PCDHGB2: variants seen among roughly 807,000 people sequenced by gnomAD.
PCDHGB2 encodes the protein protocadherin gamma-B2.
A neutral mutation model predicts 59.3 loss-of-function variants in PCDHGB2; 55 were observed. The ratio of observed to expected loss-of-function variants is 0.93; its 90% confidence interval spans 0.75 to 1.16. PCDHGB2 has a LOEUF of 1.16. PCDHGB2 is among the 50% of genes most tolerant of loss of function. The pLI, the probability that PCDHGB2 is intolerant of heterozygous loss-of-function variation, is 0.00. For missense variants in PCDHGB2, 1,228 were observed against 1,198.5 expected (o/e 1.02, Z -0.36); for synonymous variants, 516 against 512.0 (o/e 1.01, Z -0.11).
At chr5:141,374,571 G>A in intron 1 of PCDHGB2, 1 of 1,613,670 alleles carries the variant, frequency 6.2e-7, no homozygotes, top group Non-Finnish European at 8.5e-7. Flanking sequence ...CCTGATGTGG[G>A]AATGAACTCC....
chr5:141,431,561 G>C lies in PCDHGB2; in HGVS notation c.2422-63246G>C. On this transcript the variant is annotated intron_variant, in intron 1 of 3. Transcript: ENST00000522605. The surrounding 1 kb of genome is among the most constrained non-coding windows in gnomAD (Gnocchi z 4.8). ...GCAGCTGCTTGTAGTCAACGCTACC[G>C]ACCCTGACGAAGGAGTCAATGCGGA... 6.2e-7 allele frequency: 1 copy of C among 1,614,146 alleles called. No homozygotes were observed. The highest frequency in any genetic ancestry group is 1.1e-5 in the South Asian group (1 of 91,080).
At chr5:141,454,409 T>G (rs1221091875) in intron 1 of PCDHGB2, among the ~76,000 whole-genome samples, 1 of 152,162 alleles carries the variant, frequency 6.6e-6, no homozygotes, top group Non-Finnish European at 1.5e-5. Flanking sequence ...TTATTCCTTT[T>G]TATTTATTTA....
chr5:141,455,104 G>T (rs2098813087), intron 1 of PCDHGB2, among the ~76,000 whole-genome samples: 1 of 151,780 alleles, frequency 6.6e-6, no homozygotes, highest in Non-Finnish European at 1.5e-5. Flanking sequence ...GAGCCACTGC[G>T]CCCGGTGGGT....
rs528779386 is a variant in PCDHGB2, at chr5:141,509,416, C to T, written c.2570-1531C>T. Among the ~76,000 whole-genome samples, 4 of 152,258 alleles carry T rather than the reference C, an allele frequency of 2.6e-5. No individual in the cohort carries two copies. In the East Asian group the frequency reaches 7.7e-4, roughly 29 times the overall value. ...TCTCAGGGCCTCCAGCAGCGAGCCCCAATGAGTCAAACTCTTGTTTCCTCC... is the reference window on the plus strand; with the variant it reads ...TCTCAGGGCCTCCAGCAGCGAGCCCTAATGAGTCAAACTCTTGTTTCCTCC... On this transcript the variant is annotated intron_variant, in intron 3 of 3. Transcript: ENST00000522605.
At chr5:141,399,148 C>T (rs2150776580) in intron 1 of PCDHGB2, 2 of 1,613,684 alleles carry the variant, frequency 1.2e-6, no homozygotes, top group Non-Finnish European at 1.7e-6. Context: ...TGACAATAGC[C>T]CAGAAGTTAC....
Position 141,476,263 on chromosome 5 carries a change from C to G in PCDHGB2, c.2422-18544C>G. 13 of 1,613,940 alleles carry G rather than the reference C, an allele frequency of 8.1e-6. No individual in the cohort carries two copies. Among genetic ancestry groups the G allele is most frequent in the Non-Finnish European group, 1.1e-5 (13 of 1,180,010 alleles). On this transcript the variant is annotated intron_variant, in intron 1 of 3. Transcript: ENST00000522605. This position sits in a 1 kb window ranked among gnomAD's most constrained non-coding sequence, Gnocchi z 7.6. ...GAGAGAAGGGTTTCGCTGTGGGCAA[C>G]GTGGTCGCGAACCTTGGTTTGGATC...
At position 141,399,361 on chromosome 5, in the gene PCDHGB2, C is replaced by T. The variant is rs375619778; in HGVS notation, c.2421+36805C>T. 7.2e-5 allele frequency: 117 copies of T among 1,613,842 alleles called. No individual in the cohort carries two copies. Among genetic ancestry groups the T allele is most frequent in the Non-Finnish European group, 9.7e-5 (115 of 1,179,910 alleles). ...TGGAACCCTAGACCGAGAGCAAACC[C>T]CGGAGTACAATGTCACCATCACAGC... On this transcript the variant is annotated intron_variant, in intron 1 of 3. Transcript: ENST00000522605.
At chr5:141,416,530 G>A (rs976560428) in intron 1 of PCDHGB2, 2 of 152,160 alleles carry the variant, frequency 1.3e-5, no homozygotes, top group Non-Finnish European at 2.9e-5. Flanking sequence ...GCTCTTTAAT[G>A]TATAAGGAGG....
chr5:141,428,227 A>T (rs2154552643), intron 1 of PCDHGB2: 1 of 1,100,784 alleles, frequency 9.1e-7, no homozygotes, highest in Admixed American at 1.9e-5. Context: ...CTTCGCAGAC[A>T]GCCTGCAGGA....
intron 1 of PCDHGB2, chr5:141,419,661 A>G (rs1363084793): frequency 2.5e-6 from 4 of 1,612,714 alleles, no homozygotes; most frequent in East Asian, 2.2e-5. Flanking sequence ...TCGGGGCACA[A>G]TGCCTGGCTG....
chr5:141,369,478 G>A lies in PCDHGB2; in HGVS notation c.2421+6922G>A, dbSNP rs139702118. 6.3e-3 allele frequency among the ~76,000 whole-genome samples: 955 copies of A among 152,098 alleles called. 15 individuals carry two copies. The highest frequency in any genetic ancestry group is 0.022 in the African/African-American group (913 of 41,484). ...AGCCAGGTGTTCTAGCCCAGCCTGG[G>A]CAACATAGTGAAACCCCACCTCTAT... is the stretch of plus-strand genomic sequence containing the variant. On this transcript the variant is annotated intron_variant, in intron 1 of 3. Coordinates refer to ENST00000522605, the MANE Select transcript of PCDHGB2 (RefSeq NM_018923.3).
At chr5:141,381,785 G>A (rs1349926565) in intron 1 of PCDHGB2, among the ~76,000 whole-genome samples, 1 of 149,782 alleles carries the variant, frequency 6.7e-6, no homozygotes, top group Non-Finnish European at 1.5e-5. Context: ...CAGGAACAAG[G>A]CAAGGCAATT....
At chr5:141,404,769 A>G in intron 1 of PCDHGB2, 2 of 1,611,124 alleles carry the variant, frequency 1.2e-6, no homozygotes, top group Non-Finnish European at 1.7e-6. Flanking sequence ...TGGCTCTCCT[A>G]CCGCCTATTC....
intron 1 of PCDHGB2, among the ~76,000 whole-genome samples, chr5:141,464,454 A>G (rs999305559): frequency 6.6e-6 from 1 of 151,542 alleles, no homozygotes; most frequent in Non-Finnish European, 1.5e-5. Context: ...TGTTGTTGTT[A>G]TTTTTGAAGT....
Position 141,477,514 on chromosome 5 carries a change from T to G in PCDHGB2, c.2422-17293T>G. 1 of 1,614,114 alleles carries G rather than the reference T, an allele frequency of 6.2e-7. No individual in the cohort carries two copies. Among genetic ancestry groups the G allele is most frequent in the Non-Finnish European group, 8.5e-7 (1 of 1,180,026 alleles). On this transcript the variant is annotated intron_variant, in intron 1 of 3. Coordinates refer to ENST00000522605, the MANE Select transcript of PCDHGB2 (RefSeq NM_018923.3). The surrounding 1 kb of genome is among the most constrained non-coding windows in gnomAD (Gnocchi z 4.9). Reference sequence around the variant, plus strand: ...CTCAATCTTCCTACGACGTTTACATTGAAGAAAACAACCTCCCCGGGGCTC... The same window carrying G: ...CTCAATCTTCCTACGACGTTTACATGGAAGAAAACAACCTCCCCGGGGCTC...
intron 1 of PCDHGB2, among the ~76,000 whole-genome samples, chr5:141,438,619 TATATATATATATATATAC>T (rs1380852637): frequency 0.021 from 829 of 39,644 alleles, 15 homozygotes; most frequent in East Asian, 0.054. Context: ...TATATATATA[TATATATATATATATATAC>T]ACACACACAC....
chr5:141,481,260 A>C (rs2099534771), intron 1 of PCDHGB2, among the ~76,000 whole-genome samples: 1 of 152,166 alleles, frequency 6.6e-6, no homozygotes, highest in Non-Finnish European at 1.5e-5. Context: ...CTAAAAGATC[A>C]CTGTAGGAAG....
intron 1 of PCDHGB2, chr5:141,399,493 A>G (rs2093820399): frequency 1.2e-6 from 2 of 1,614,036 alleles, no homozygotes; most frequent in African/African-American, 2.7e-5. Context: ...CTACTTAGTC[A>G]GTGTACCCGA....
At chr5:141,422,005 A>T in intron 1 of PCDHGB2, 1 of 1,609,814 alleles carries the variant, frequency 6.2e-7, no homozygotes, top group East Asian at 2.2e-5. Flanking sequence ...CAGCTCCGGA[A>T]CTCGGGTGCT....
Sources: allele counts gnomAD v4.1 joint callset (sites outside exome capture counted in the v4.1 genomes callset), GRCh38; gene constraint gnomAD v4.1.1; non-coding constraint Gnocchi (gnomAD v3.1); transcripts MANE v1.5; gene names NCBI Gene and HGNC (gene_info 2026-07-23, HGNC 2026-07-21).